BMP8A: variants seen among roughly 807,000 people sequenced by gnomAD.
BMP8A encodes bone morphogenetic protein 8a.
Under a neutral mutation model 36.8 loss-of-function variants are expected in BMP8A, and 14 were observed. The observed-to-expected ratio is 0.38, with a 90% CI of 0.25 to 0.60. The LOEUF (loss-of-function observed/expected upper bound fraction) is 0.60, where lower values mean the gene tolerates loss of function less well. Ranked by LOEUF, BMP8A falls within the 20% of genes least tolerant of loss-of-function variation. The probability of loss-of-function intolerance (pLI) is 0.63; values close to 1 mark genes in which losing one functional copy is unlikely to be tolerated. For synonymous variants in BMP8A, 120 were observed against 237.7 expected, an observed-to-expected ratio of 0.50 and a Z score of 4.55; for missense variants, 267 against 551.1, an observed-to-expected ratio of 0.48 and a Z score of 5.16.
In BMP8A at chr1:39,526,496, G is replaced by A. The variant is rs1361793210; in HGVS notation, c.*698G>A. ...TGGGATTACAGGGGCCCACCACCAC[G>A]CCCAGCTCATTCTTGTATTTTTAGT... On this transcript the variant is annotated 3_prime_UTR_variant, in exon 7 of 7. Coordinates refer to ENST00000331593, the MANE Select transcript of BMP8A (RefSeq NM_181809.4). Among the ~76,000 whole-genome samples the A allele has an allele frequency of 1.3e-5, 2 of 152,184 alleles. No individual in the cohort carries two copies. The highest frequency in any genetic ancestry group is 3.9e-4 in the East Asian group (2 of 5,174).
intron 1 of BMP8A, among the ~76,000 whole-genome samples, chr1:39,509,932 C>T (rs1413088207): frequency 1.3e-5 from 2 of 152,154 alleles, no homozygotes; most frequent in African/African-American, 4.8e-5. Context: ...TGGGTATTTC[C>T]GGATATTTCC....
At chr1:39,525,273 G>T in intron 6 of BMP8A, 1 of 219,208 alleles carries the variant, frequency 4.6e-6, no homozygotes. Context: ...AGAAGACAGT[G>T]GTCCTTCCAG....
chr1:39,523,127 G>A lies in BMP8A; in HGVS notation c.1059+10G>A, dbSNP rs41270825. 0.051 allele frequency: 81,447 copies of A among 1,612,624 alleles called. 2,212 individuals carry two copies. The highest frequency in any genetic ancestry group is 0.056 in the Non-Finnish European group (66,268 of 1,179,022). On this transcript the variant is annotated intron_variant, in intron 6 of 6. Coordinates refer to ENST00000331593, the MANE Select transcript of BMP8A (RefSeq NM_181809.4). ...CATCCTGCAGTCCCTGGTCAGTACC[G>A]TGCCCATCCTGCCCAGCCCCCTGGG...
intron 3 of BMP8A, among the ~76,000 whole-genome samples, chr1:39,519,081 A>G (rs1259270131): frequency 2.7e-5 from 3 of 109,422 alleles, no homozygotes; most frequent in African/African-American, 1.1e-4. Context: ...GCGACATTCT[A>G]TCCTGTGTCT....
At chr1:39,510,610 A>G (rs1362621990) in intron 1 of BMP8A, among the ~76,000 whole-genome samples, 7 of 150,946 alleles carry the variant, frequency 4.6e-5, no homozygotes, top group Non-Finnish European at 1.0e-4. Flanking sequence ...CCCTGACACC[A>G]TGGCAGATTC....
intron 1 of BMP8A, among the ~76,000 whole-genome samples, chr1:39,494,219 G>A (rs1379356431): frequency 6.6e-6 from 1 of 152,174 alleles, no homozygotes; most frequent in Admixed American, 6.5e-5. Context: ...TCTTGTACAC[G>A]TGAAACCCAG....
At chr1:39,501,965 C>T (rs1370307648) in intron 1 of BMP8A, among the ~76,000 whole-genome samples, 5 of 150,420 alleles carry the variant, frequency 3.3e-5, no homozygotes, top group South Asian at 2.1e-4. Context: ...CTGGGCCGGG[C>T]GCAATGGCTC....
chr1:39,494,543 G>A (rs900908585), intron 1 of BMP8A, among the ~76,000 whole-genome samples: 2 of 151,782 alleles, frequency 1.3e-5, no homozygotes, highest in African/African-American at 4.8e-5. Context: ...TGTAGAGACG[G>A]GGAGTCTCAC....
chr1:39,525,965 C>T lies in BMP8A; in HGVS notation c.*167C>T, dbSNP rs910788852. 4 of 1,228,248 alleles carry T rather than the reference C, an allele frequency of 3.3e-6. No homozygotes were observed. The East Asian group carries it at 7.6e-5, about 23-fold the overall frequency. The allele number at this position is 1,228,248 out of a possible 1,614,324, so 76.1% of individuals were successfully genotyped here. A position where few individuals can be genotyped will look rare whatever the true frequency, so the allele number is the denominator to read the frequency against. On this transcript the variant is annotated 3_prime_UTR_variant, in exon 7 of 7. Transcript: ENST00000331593. ...TGGTCCTTTCTCGGTACCTCTGTGC[C>T]CCTCCCCTGGGGTTTGTGGCTGTCA...
intron 1 of BMP8A, among the ~76,000 whole-genome samples, chr1:39,493,191 C>G (rs1433896069): frequency 6.6e-6 from 1 of 152,240 alleles, no homozygotes; most frequent in Non-Finnish European, 1.5e-5. Context: ...GACCACAGCT[C>G]AGCCCGAAGT....
At chr1:39,509,006 G>A (rs927980183) in intron 1 of BMP8A, among the ~76,000 whole-genome samples, 1 of 152,164 alleles carries the variant, frequency 6.6e-6, no homozygotes, top group East Asian at 1.9e-4. Context: ...CAGGTCAGGC[G>A]GGGAGGGAGG....
Position 39,528,197 on chromosome 1 carries a change from A to T in BMP8A, c.*2399A>T, listed in dbSNP as rs1557698336. Among the ~76,000 whole-genome samples the T allele has an allele frequency of 6.6e-6, 1 of 152,238 alleles. No individual in the cohort carries two copies. Among genetic ancestry groups the T allele is most frequent in the Non-Finnish European group, 1.5e-5 (1 of 68,046 alleles). On this transcript the variant is annotated 3_prime_UTR_variant, in exon 7 of 7. Coordinates refer to ENST00000331593, the MANE Select transcript of BMP8A (RefSeq NM_181809.4). ...AGACTCCCTTTTTATGCAGCAAAGC[A>T]CAAAGTGTGACAGTCGTGGCCTTCC...
intron 1 of BMP8A, among the ~76,000 whole-genome samples, chr1:39,499,303 G>A (rs752199512): frequency 6.6e-6 from 1 of 152,186 alleles, no homozygotes; most frequent in Non-Finnish European, 1.5e-5. Context: ...CAAGAGGCCC[G>A]AGGGACAGAT....
rs1379456387 is a variant in BMP8A at position 39,525,673 on chromosome 1, G to A, written c.1084G>A (p.Val362Ile). ...SLVHLMKPNA[V>I]PKACCAPTKL... is the part of the protein sequence containing the mutation. Reference sequence around the variant, plus strand: ...GGTGCACCTGATGAAGCCAAACGCAGTCCCCAAGGCGTGCTGTGCACCCAC... The same window carrying A: ...GGTGCACCTGATGAAGCCAAACGCAATCCCCAAGGCGTGCTGTGCACCCAC... The change falls in exon 7 of 7, where the codon GTC (valine) becomes ATC (isoleucine). Residue 362 changes from valine (V) to isoleucine (I), a missense_variant. This residue lies in a region of BMP8A where 132 missense variants were observed against 151.3 expected (regional missense o/e 0.87). Transcript: ENST00000331593. 3 of 1,613,974 alleles carry A rather than the reference G, an allele frequency of 1.9e-6. No homozygotes were observed. Among genetic ancestry groups the A allele is most frequent in the Non-Finnish European group, 1.7e-6 (2 of 1,180,014 alleles).
intron 1 of BMP8A, among the ~76,000 whole-genome samples, chr1:39,506,005 A>C (rs1372500797): frequency 6.6e-6 from 1 of 151,186 alleles, no homozygotes; most frequent in East Asian, 2.0e-4. Context: ...AAAAAAAAAA[A>C]AGTGTCAAGG....
chr1:39,524,615 G>A lies in BMP8A; in HGVS notation c.1060-1034G>A, dbSNP rs1645463638. Among the ~76,000 whole-genome samples, 1 of 152,230 alleles carries A rather than the reference G, an allele frequency of 6.6e-6. No individual in the cohort carries two copies. The highest frequency in any genetic ancestry group is 2.4e-5 in the African/African-American group (1 of 41,542). On this transcript the variant is annotated intron_variant, in intron 6 of 6. Coordinates refer to ENST00000331593, the MANE Select transcript of BMP8A (RefSeq NM_181809.4). The surrounding 1 kb of genome is among the most constrained non-coding windows in gnomAD (Gnocchi z 4.0). ...GAAGGGGAGGAGAGTGGAGGGAGGT[G>A]ATGCCGGGGTGAGCCAGGCCAGCTC...
intron 1 of BMP8A, among the ~76,000 whole-genome samples, chr1:39,510,096 C>T (rs1193078923): frequency 6.8e-6 from 1 of 146,132 alleles, no homozygotes; most frequent in African/African-American, 2.5e-5. Flanking sequence ...TCCACCCACG[C>T]CGCCTCCCTG....
At chr1:39,510,725 T>C (rs1645346031) in intron 1 of BMP8A, among the ~76,000 whole-genome samples, 1 of 152,242 alleles carries the variant, frequency 6.6e-6, no homozygotes, top group East Asian at 1.9e-4. Context: ...TCCCCTGAGA[T>C]GCCGTCGGTT....
At chr1:39,504,935 G>A (rs1645288049) in intron 1 of BMP8A, among the ~76,000 whole-genome samples, 1 of 152,132 alleles carries the variant, frequency 6.6e-6, no homozygotes, top group Non-Finnish European at 1.5e-5. Flanking sequence ...CCAGATTTAT[G>A]TTTGACTTTA....
Sources: allele counts gnomAD v4.1 joint callset (sites outside exome capture counted in the v4.1 genomes callset), GRCh38; gene constraint gnomAD v4.1.1; regional missense constraint gnomAD v4.1.1; non-coding constraint Gnocchi (gnomAD v3.1); transcripts MANE v1.5; gene names NCBI Gene and HGNC (gene_info 2026-07-23, HGNC 2026-07-21).